The following OPCML variants were observed in gnomAD, a reference collection of about 807,000 sequenced individuals.
OPCML encodes the protein opioid binding protein/cell adhesion molecule like.
A neutral mutation model predicts 37.8 loss-of-function variants in OPCML; 13 were observed. The observed-to-expected ratio is 0.34, with a 90% confidence interval of 0.22 to 0.55. The LOEUF (loss-of-function observed/expected upper bound fraction) is 0.55. Among genes scored for constraint, OPCML ranks in the 20% least tolerant of loss-of-function variants. OPCML has a pLI of 0.91. For missense variants in OPCML, 341 were observed against 435.6 expected (o/e 0.78, Z 1.93); for synonymous variants, 176 against 168.8 (o/e 1.04, Z -0.33).
intron 2 of OPCML, among the ~76,000 whole-genome samples, chr11:132,734,347 A>G (rs1945183877): frequency 6.6e-6 from 1 of 152,162 alleles, no homozygotes; most frequent in Non-Finnish European, 1.5e-5. Flanking sequence ...CAGTAGCATC[A>G]CAAAAGGCGT....
intron 1 of OPCML, among the ~76,000 whole-genome samples, chr11:133,084,195 C>T (rs1322545747): frequency 2.0e-5 from 3 of 152,144 alleles, no homozygotes; most frequent in South Asian, 2.1e-4. Context: ...AATAGCTCCT[C>T]CAGGAACAAA....
intron 2 of OPCML, among the ~76,000 whole-genome samples, chr11:132,774,204 A>G (rs763058591): frequency 4.6e-5 from 7 of 152,230 alleles, no homozygotes; most frequent in Non-Finnish European, 1.0e-4. Context: ...TCTGACACAT[A>G]CAAATGCAGT....
chr11:132,436,969 C>A, intron 5 of OPCML, 190 bp from the exon 6 acceptor site: 1 of 957,050 alleles, frequency 1.0e-6, no homozygotes, highest in Non-Finnish European at 1.2e-6. Flanking sequence ...TGCATTGACC[C>A]CAACCTCTTT....
At chr11:132,761,998 G>A (rs142595113) in intron 2 of OPCML, among the ~76,000 whole-genome samples, 1 of 151,998 alleles carries the variant, frequency 6.6e-6, no homozygotes, top group Admixed American at 6.6e-5. Context: ...TTTTTGCGTG[G>A]GTGTCTTTTT....
chr11:133,212,592 T>C lies in OPCML; in HGVS notation c.62-269582A>G, dbSNP rs1939409659. Among the ~76,000 whole-genome samples, 2 of 152,346 alleles carry C rather than the reference T, an allele frequency of 1.3e-5. No individual in the cohort carries two copies. Among genetic ancestry groups the C allele is most frequent in the Admixed American group, 1.3e-4 (2 of 15,302 alleles). ...TTGATCTCCCTTACTCTCTTTTACTTTCTCACTTGTCCAAAGCCCTTGTCA... is the reference window on the plus strand; with the variant it reads ...TTGATCTCCCTTACTCTCTTTTACTCTCTCACTTGTCCAAAGCCCTTGTCA... On this transcript the variant is annotated intron_variant, in intron 1 of 7. Transcript: ENST00000524381. This position sits in a 1 kb window ranked among gnomAD's most constrained non-coding sequence, Gnocchi z 4.9.
chr11:133,270,501 A>C (rs937783940), intron 1 of OPCML, among the ~76,000 whole-genome samples: 3 of 152,174 alleles, frequency 2.0e-5, no homozygotes, highest in Non-Finnish European at 4.4e-5. Flanking sequence ...TTAGGAAAGA[A>C]ATACTAAGTA....
chr11:133,008,652 C>T (rs1247539213), intron 1 of OPCML, among the ~76,000 whole-genome samples: 2 of 152,202 alleles, frequency 1.3e-5, no homozygotes, highest in Non-Finnish European at 2.9e-5. Context: ...GTGGAAGGAT[C>T]TGTCATCCTC....
chr11:132,691,025 T>A (rs1049440707), intron 2 of OPCML, among the ~76,000 whole-genome samples: 1 of 152,220 alleles, frequency 6.6e-6, no homozygotes, highest in African/African-American at 2.4e-5. Flanking sequence ...TGCTCTTGCA[T>A]AGAAGGCACA....
At position 132,943,341 on chromosome 11, in the gene OPCML, G is replaced by T. The variant is rs1945650028; in HGVS notation, c.62-331C>A. ...TGCATCCAAAAAGAGCTTTCTTGAC[G>T]CTCCCCTGGGGAGGAGGGAGGCGGC... On this transcript the variant is annotated intron_variant, in intron 1 of 7. Coordinates refer to ENST00000524381, the MANE Select transcript of OPCML (RefSeq NM_001012393.5). The surrounding 1 kb of genome is among the most constrained non-coding windows in gnomAD (Gnocchi z 4.3). 3.5e-6 allele frequency: 2 copies of T among 572,546 alleles called. No homozygotes were observed. The highest frequency in any genetic ancestry group is 6.1e-6 in the Non-Finnish European group (2 of 327,416). The allele number at this position is 572,546 out of a possible 1,614,324, so 35.5% of individuals were successfully genotyped here.
intron 1 of OPCML, among the ~76,000 whole-genome samples, chr11:133,372,799 A>T (rs1394438333): frequency 6.6e-6 from 1 of 152,192 alleles, no homozygotes; most frequent in Non-Finnish European, 1.5e-5. Flanking sequence ...AGCCCTTCTG[A>T]CATATTAGCA....
At chr11:133,528,704 G>A (rs916319679) in intron 1 of OPCML, among the ~76,000 whole-genome samples, 10 of 152,160 alleles carry the variant, frequency 6.6e-5, no homozygotes, top group African/African-American at 2.4e-4. Context: ...GACCCTAAAC[G>A]GGCAAAGCCT....
intron 7 of OPCML, among the ~76,000 whole-genome samples, chr11:132,425,468 C>CA (rs969375488): frequency 2.6e-5 from 4 of 152,164 alleles, no homozygotes; most frequent in African/African-American, 7.2e-5. Context: ...TACTCTGAAA[C>CA]AGTTTATTTT....
intron 3 of OPCML, among the ~76,000 whole-genome samples, chr11:132,585,284 C>G (rs2096470218): frequency 1.3e-5 from 2 of 150,876 alleles, no homozygotes. Context: ...AGCAAGGAAA[C>G]AGACAACAGA....
At chr11:132,771,024 G>A (rs937377962) in intron 2 of OPCML, among the ~76,000 whole-genome samples, 9 of 152,144 alleles carry the variant, frequency 5.9e-5, no homozygotes, top group Admixed American at 3.9e-4. Context: ...GGCACTAGGA[G>A]TCCTGATCGC....
intron 3 of OPCML, among the ~76,000 whole-genome samples, chr11:132,613,848 T>C (rs1247076552): frequency 6.6e-6 from 1 of 152,138 alleles, no homozygotes; most frequent in Non-Finnish European, 1.5e-5. Flanking sequence ...TATGTGGGTA[T>C]GCTTGCATGG....
At chr11:132,951,906 G>C (rs776770525) in intron 1 of OPCML, among the ~76,000 whole-genome samples, 3 of 152,184 alleles carry the variant, frequency 2.0e-5, no homozygotes, top group Non-Finnish European at 4.4e-5. Context: ...GCCCTGGAGG[G>C]GCTGTCCAGA....
rs1212699283 is a variant in OPCML at position 133,024,359 on chromosome 11, C to T, written c.62-81349G>A. On this transcript the variant is annotated intron_variant, in intron 1 of 7. Transcript: ENST00000524381. ...CGTTCTTTACAGGTGAAACAGCACA[C>T]GTGTCCATTGAACTTAACTCATTAG... is the stretch of plus-strand genomic sequence containing the variant. The T allele has an allele frequency of 2.2e-5, 22 of 985,122 alleles. No individual in the cohort carries two copies. The East Asian group carries it at 6.8e-4, about 31-fold the overall frequency. The allele number at this position is 985,122 out of a possible 1,614,324, so 61.0% of individuals were successfully genotyped here.
intron 1 of OPCML, among the ~76,000 whole-genome samples, chr11:133,026,839 C>T (rs910822852): frequency 6.6e-6 from 1 of 152,100 alleles, no homozygotes; most frequent in Admixed American, 6.5e-5. Context: ...CTAATGCATT[C>T]TTTTTTCCTG....
intron 1 of OPCML, among the ~76,000 whole-genome samples, chr11:133,345,328 A>G (rs1943973050): frequency 6.6e-6 from 1 of 152,264 alleles, no homozygotes; most frequent in Non-Finnish European, 1.5e-5. Context: ...TGTATTTAGA[A>G]AAACCTGGAT....
Sources: gnomAD v4.1 joint callset for allele counts (sites outside exome capture counted in the v4.1 genomes callset) on GRCh38, gnomAD v4.1.1 for gene constraint, Gnocchi (gnomAD v3.1) non-coding constraint, MANE v1.5 for transcripts, NCBI Gene and HGNC (gene_info 2026-07-23, HGNC 2026-07-21) for gene names.